WWOX: variants seen among roughly 807,000 people sequenced by gnomAD.
WWOX encodes WW domain containing oxidoreductase, also known as WW domain-containing oxidoreductase.
In WWOX, 69 loss-of-function variants were observed where a neutral mutation model predicts 46.2. The observed-to-expected ratio is 1.49, with a 90% CI of 1.23 to 1.82. WWOX has a LOEUF of 1.82. WWOX is among the 40% of genes most tolerant of loss of function. WWOX has a pLI of 0.00. For missense variants in WWOX, 919 were observed against 542.6 expected (o/e 1.69, Z -6.89); for synonymous variants, 359 against 202.6 (o/e 1.77, Z -6.56).
intron 8 of WWOX, among the ~76,000 whole-genome samples, chr16:78,476,630 A>G (rs1209235236): frequency 3.4e-5 from 5 of 145,048 alleles, no homozygotes; most frequent in Admixed American, 1.4e-4. Context: ...AAAAAAAAAA[A>G]GAACTGGAGC....
At chr16:78,487,963 A>G (rs1567601802) in intron 8 of WWOX, among the ~76,000 whole-genome samples, 1 of 152,100 alleles carries the variant, frequency 6.6e-6, no homozygotes, top group African/African-American at 2.4e-5. Context: ...TCATTATCCC[A>G]CCTTCCCCAA....
At chr16:79,086,827 G>A (rs543863453) in intron 8 of WWOX, among the ~76,000 whole-genome samples, 10 of 152,342 alleles carry the variant, frequency 6.6e-5, no homozygotes, top group African/African-American at 2.4e-4. Flanking sequence ...AGGATGCAGT[G>A]AACTGTGATT....
chr16:79,174,316 G>T (rs2050757900), intron 8 of WWOX, among the ~76,000 whole-genome samples: 2 of 152,274 alleles, frequency 1.3e-5, no homozygotes, highest in South Asian at 4.1e-4. Flanking sequence ...ACAATAATTA[G>T]TGCCTTGGCC....
chr16:78,421,440 G>C (rs1475266245), intron 6 of WWOX, among the ~76,000 whole-genome samples: 1 of 152,224 alleles, frequency 6.6e-6, no homozygotes, highest in Admixed American at 6.5e-5. Flanking sequence ...GGATAGGCCT[G>C]TCATTGGATT....
At chr16:78,578,919 A>T (rs2044975810) in intron 8 of WWOX, among the ~76,000 whole-genome samples, 2 of 152,198 alleles carry the variant, frequency 1.3e-5, no homozygotes, top group Non-Finnish European at 2.9e-5. Context: ...ATGCTGTTGT[A>T]GCTTTGTTGA....
At chr16:78,227,866 ACT>A (rs992289706) in intron 5 of WWOX, among the ~76,000 whole-genome samples, 22 of 152,146 alleles carry the variant, frequency 1.4e-4, no homozygotes, top group African/African-American at 5.3e-4. Flanking sequence ...ACAGAGCGAA[ACT>A]CTGTCTCAAA....
At chr16:78,576,267 C>G (rs145770622) in intron 8 of WWOX, among the ~76,000 whole-genome samples, 2 of 152,306 alleles carry the variant, frequency 1.3e-5, no homozygotes, top group African/African-American at 4.8e-5. Context: ...TTTTCTACAA[C>G]AAATAATGCA....
intron 8 of WWOX, among the ~76,000 whole-genome samples, chr16:78,466,511 G>A (rs1254476933): frequency 2.0e-5 from 3 of 152,110 alleles, no homozygotes; most frequent in Admixed American, 6.5e-5. Context: ...GATACATGTG[G>A]CATATTAAGC....
chr16:78,423,642 C>G (rs765408168), intron 6 of WWOX, among the ~76,000 whole-genome samples: 1 of 151,878 alleles, frequency 6.6e-6, no homozygotes, highest in African/African-American at 2.4e-5. Flanking sequence ...ACCTTGACCA[C>G]CTTGGGCAAC....
intron 5 of WWOX, chr16:78,270,143 C>T (rs1216690509): frequency 6.6e-6 from 1 of 151,924 alleles, no homozygotes; most frequent in Admixed American, 6.6e-5. Flanking sequence ...TTGATTGGTT[C>T]ATAGAAAAAG....
chr16:78,717,793 G>A (rs542775440), intron 8 of WWOX, among the ~76,000 whole-genome samples: 12 of 152,252 alleles, frequency 7.9e-5, no homozygotes, highest in African/African-American at 2.9e-4. Context: ...AACATATTTA[G>A]AAGGATGCCC....
intron 5 of WWOX, among the ~76,000 whole-genome samples, chr16:78,322,193 A>G (rs551818795): frequency 2.0e-5 from 3 of 152,246 alleles, no homozygotes; most frequent in African/African-American, 7.2e-5. Flanking sequence ...AATTCGAAAG[A>G]GCAAATGAGC....
chr16:78,768,622 C>G (rs895905540), intron 8 of WWOX, among the ~76,000 whole-genome samples: 4 of 151,666 alleles, frequency 2.6e-5, no homozygotes, highest in Non-Finnish European at 5.9e-5. Flanking sequence ...TTTGGAGCTT[C>G]CTAATTTCTA....
At chr16:79,113,920 G>C (rs2049462668) in intron 8 of WWOX, among the ~76,000 whole-genome samples, 1 of 152,200 alleles carries the variant, frequency 6.6e-6, no homozygotes, top group Non-Finnish European at 1.5e-5. Flanking sequence ...CGGAGTAGCA[G>C]GGCTGAGTGG....
chr16:78,454,760 G>T (rs776781177), intron 8 of WWOX, among the ~76,000 whole-genome samples: 1 of 152,120 alleles, frequency 6.6e-6, no homozygotes, highest in Non-Finnish European at 1.5e-5. Flanking sequence ...GCCTCCCAAA[G>T]TGCTGGGATT....
At chr16:78,326,972 T>C (rs1386483954) in intron 5 of WWOX, among the ~76,000 whole-genome samples, 1 of 152,292 alleles carries the variant, frequency 6.6e-6, no homozygotes, top group South Asian at 2.1e-4. Flanking sequence ...CTGCTTTTTC[T>C]GAAGTTCCCC....
intron 8 of WWOX, among the ~76,000 whole-genome samples, chr16:79,020,871 C>T (rs1168059553): frequency 3.9e-5 from 6 of 152,094 alleles, no homozygotes; most frequent in African/African-American, 1.4e-4. Flanking sequence ...GTATAAAAAG[C>T]AGGCAGCCTG....
chr16:78,530,359 A>T (rs527578330), intron 8 of WWOX, among the ~76,000 whole-genome samples: 5 of 152,234 alleles, frequency 3.3e-5, no homozygotes, highest in Non-Finnish European at 5.9e-5. Flanking sequence ...AATTTTAAGG[A>T]TGGCAGATGT....
chr16:79,002,262 T>A (rs1203717773), intron 8 of WWOX, among the ~76,000 whole-genome samples: 2 of 130,156 alleles, frequency 1.5e-5, no homozygotes, highest in African/African-American at 5.8e-5. Context: ...TCACTCTTCT[T>A]GCCCAGGCTG....
Sources: allele counts gnomAD v4.1 joint callset (sites outside exome capture counted in the v4.1 genomes callset), GRCh38; gene constraint gnomAD v4.1.1; transcripts MANE v1.5; gene names NCBI Gene and HGNC (gene_info 2026-07-23, HGNC 2026-07-21).